ZNF583: variants seen among roughly 807,000 people sequenced by gnomAD.
The protein encoded by ZNF583 is zinc finger protein 583.
ZNF583 carries 30 observed loss-of-function variants against 55.3 expected under a neutral mutation model. That is an observed-to-expected ratio of 0.54 (90% confidence interval 0.41 to 0.74). The LOEUF (loss-of-function observed/expected upper bound fraction) is 0.74, where lower values mean the gene tolerates loss of function less well. ZNF583 is among the 30% of genes least tolerant of loss of function. The pLI is 0.00. For missense variants in ZNF583, 504 were observed against 664.7 expected (o/e 0.76, Z 2.66); for synonymous variants, 208 against 220.0 (o/e 0.95, Z 0.48).
intron 4 of ZNF583, among the ~76,000 whole-genome samples, chr19:56,416,782 GATACAT>G (rs1326558256): frequency 6.6e-6 from 1 of 151,728 alleles, no homozygotes; most frequent in Non-Finnish European, 1.5e-5. Context: ...CAGTAAACTG[GATACAT>G]ATAAATTGTA....
rs768399139 is a variant in ZNF583 at position 56,424,389 on chromosome 19, T to C, written c.*21T>C. The C allele has an allele frequency of 1.8e-5, 18 of 1,005,376 alleles. No individual in the cohort carries two copies. Among genetic ancestry groups the C allele is most frequent in the Non-Finnish European group, 2.5e-5 (16 of 651,160 alleles). The allele number at this position is 1,005,376 out of a possible 1,614,324, so 62.3% of individuals were successfully genotyped here. A position where few individuals can be genotyped will look rare whatever the true frequency, so the allele number is the denominator to read the frequency against. On this transcript the variant is annotated 3_prime_UTR_variant, in exon 5 of 5. Coordinates refer to ENST00000333201, the MANE Select transcript of ZNF583 (RefSeq NM_152478.3). ...CCTGAATATTTCTGGAATCCACCTC[T>C]TGAATCCATTTCCATCCCATCATCC...
intron 4 of ZNF583, among the ~76,000 whole-genome samples, chr19:56,421,272 C>T (rs1205218716): frequency 5.0e-5 from 4 of 79,964 alleles, no homozygotes; most frequent in African/African-American, 1.9e-4. Flanking sequence ...CTATCCTTAA[C>T]TTTTCAGTCT....
chr19:56,424,316 C>A lies in ZNF583; in HGVS notation c.1658C>A (p.Pro553His). The change falls in exon 5 of 5, where the codon CCC (proline) becomes CAC (histidine). Residue 553 changes from proline to histidine, a missense_variant. Physicochemically the swap from Pro to His is moderately conservative, Grantham distance 77. This residue lies in a region of ZNF583 where 63 missense variants were observed against 56.5 expected (regional missense o/e 1.11). Coordinates refer to ENST00000333201, the MANE Select transcript of ZNF583 (RefSeq NM_152478.3). ...GAGTCATTCTTGACTCTTTCCTCTC[C>A]CTCACCCTCCACATCAAATCAGTTG... ...TMESFLTLSS[P>H]SPSTSNQLPR... 1.2e-6 allele frequency: 2 copies of A among 1,600,774 alleles called. No homozygotes were observed. The highest frequency in any genetic ancestry group is 1.7e-6 in the Non-Finnish European group (2 of 1,168,192).
intron 1 of ZNF583, among the ~76,000 whole-genome samples, chr19:56,405,999 G>A (rs1021475061): frequency 6.6e-6 from 1 of 152,186 alleles, no homozygotes; most frequent in African/African-American, 2.4e-5. Flanking sequence ...TATTCTTCAA[G>A]GCAGTGAGGT....
intron 2 of ZNF583, among the ~76,000 whole-genome samples, chr19:56,409,794 C>T (rs534680691): frequency 5.3e-5 from 8 of 152,260 alleles, no homozygotes; most frequent in African/African-American, 1.9e-4. Context: ...TACGTACGTG[C>T]TTAAAGCTAC....
Position 56,424,130 on chromosome 19 carries a change from C to G in ZNF583, c.1472C>G (p.Pro491Arg). 6.2e-7 allele frequency: 1 copy of G among 1,612,196 alleles called. No individual in the cohort carries two copies. The highest frequency in any genetic ancestry group is 8.5e-7 in the Non-Finnish European group (1 of 1,178,596). Residue 491 changes from proline (P) to arginine (R), a missense_variant, in exon 5 of 5, where the codon CCT becomes CGT. Pro to Arg is a moderately radical substitution (Grantham distance 103, BLOSUM62 -2). This residue lies in a region of ZNF583 where 237 missense variants were observed against 373.0 expected (regional missense o/e 0.64). Coordinates refer to ENST00000333201, the MANE Select transcript of ZNF583 (RefSeq NM_152478.3). ...QHQRIHTGEK[P>R]YECNVCGKAF... ...CAGAGAATTCATACTGGAGAGAAACCTTATGAATGTAATGTTTGTGGGAAA... is the reference window on the plus strand; with the variant it reads ...CAGAGAATTCATACTGGAGAGAAACGTTATGAATGTAATGTTTGTGGGAAA...
rs2042257116 is a variant in ZNF583 at position 56,412,681 on chromosome 19, TAC to T, written c.10-1272_10-1271del. ...TGTTAGGCAATCATTTGTCGCCTCT[TAC>T]ACACAGTCTCAGGAAAATTTTTATT... is the stretch of plus-strand genomic sequence containing the variant. On this transcript the variant is annotated intron_variant, in intron 2 of 4. Coordinates refer to ENST00000333201, the MANE Select transcript of ZNF583 (RefSeq NM_152478.3). Among the ~76,000 whole-genome samples, 3 of 152,222 alleles carry T rather than the reference TAC, an allele frequency of 2.0e-5. No individual in the cohort carries two copies. In the South Asian group the frequency reaches 6.2e-4, roughly 32 times the overall value.
chr19:56,405,357 G>A (rs1203886159), intron 1 of ZNF583, among the ~76,000 whole-genome samples: 1 of 152,168 alleles, frequency 6.6e-6, no homozygotes, highest in East Asian at 1.9e-4. Context: ...GAGCAGGGCG[G>A]GCTACAATGT....
Position 56,426,276 on chromosome 19 carries a change from T to C in ZNF583, c.*1908T>C, listed in dbSNP as rs568967917. 1 of 152,284 alleles carries C rather than the reference T, an allele frequency of 6.6e-6. No individual in the cohort carries two copies. The highest frequency in any genetic ancestry group is 6.5e-5 in the Admixed American group (1 of 15,294). The allele number at this position is 152,284 out of a possible 1,614,324, so 9.4% of individuals were successfully genotyped here. On this transcript the variant is annotated 3_prime_UTR_variant, in exon 5 of 5. Coordinates refer to ENST00000333201, the MANE Select transcript of ZNF583 (RefSeq NM_152478.3). ...TTATCGTGCTCTATACAACAATTCA[T>C]TCCATATGTGAAAGTTACTTTCAAG...
chr19:56,424,396 C>A lies in ZNF583; in HGVS notation c.*28C>A. On this transcript the variant is annotated 3_prime_UTR_variant, in exon 5 of 5. Coordinates refer to ENST00000333201, the MANE Select transcript of ZNF583 (RefSeq NM_152478.3). ...ATTTCTGGAATCCACCTCTTGAATCCATTTCCATCCCATCATCCTTGTCCA... is the reference window on the plus strand; with the variant it reads ...ATTTCTGGAATCCACCTCTTGAATCAATTTCCATCCCATCATCCTTGTCCA... 1 of 933,574 alleles carries A rather than the reference C, an allele frequency of 1.1e-6. No individual in the cohort carries two copies. The highest frequency in any genetic ancestry group is 1.7e-6 in the Non-Finnish European group (1 of 590,132). 57.8% of individuals were successfully genotyped at this position (933,574 alleles called of 1,614,324 possible).
intron 4 of ZNF583, among the ~76,000 whole-genome samples, chr19:56,418,492 T>C (rs1165353629): frequency 2.0e-5 from 3 of 152,228 alleles, no homozygotes; most frequent in African/African-American, 4.8e-5. Context: ...AAATTTTTTT[T>C]CCTAAGTCTG....
At chr19:56,411,233 A>G (rs962599772) in intron 2 of ZNF583, among the ~76,000 whole-genome samples, 12 of 151,934 alleles carry the variant, frequency 7.9e-5, no homozygotes, top group East Asian at 1.9e-4. Flanking sequence ...TGAGACTGCA[A>G]TCAGCCATGA....
chr19:56,407,072 G>C lies in ZNF583; in HGVS notation c.-43G>C, dbSNP rs1338956450. On this transcript the variant is annotated 5_prime_UTR_variant, in exon 2 of 5. Transcript: ENST00000333201. The stretch of plus-strand genomic sequence containing the variant: ...TCCCTCTCCCACAGAGGAGCTGAAG[G>C]AGTAGGACAGAAGAACTGTCAAATT... 1 of 1,613,600 alleles carries C rather than the reference G, an allele frequency of 6.2e-7. No individual in the cohort carries two copies. The highest frequency in any genetic ancestry group is 1.7e-5 in the Admixed American group (1 of 59,998).
intron 1 of ZNF583, among the ~76,000 whole-genome samples, chr19:56,405,682 G>A: frequency 6.6e-6 from 1 of 152,140 alleles, no homozygotes; most frequent in Non-Finnish European, 1.5e-5. Flanking sequence ...CTGGGGGCAC[G>A]TGAGGAATTT....
At chr19:56,411,648 C>T (rs943649740) in intron 2 of ZNF583, among the ~76,000 whole-genome samples, 2 of 152,216 alleles carry the variant, frequency 1.3e-5, no homozygotes, top group Admixed American at 6.5e-5. Context: ...TGATTAGCAG[C>T]GCCCAGGCCT....
chr19:56,422,944 G>A lies in ZNF583; in HGVS notation c.286G>A (p.Glu96Lys). Residue 96 changes from glutamate (E) to lysine (K), a missense_variant, in exon 5 of 5, where the codon GAA becomes AAA. By Grantham distance (56) the Glu-to-Lys change is moderately conservative. This residue lies in a region of ZNF583 where 204 missense variants were observed against 235.2 expected (regional missense o/e 0.87). Coordinates refer to ENST00000333201, the MANE Select transcript of ZNF583 (RefSeq NM_152478.3). Reference sequence around the variant, plus strand: ...ATTTTCATCAAAGCAAGAGACATATGAAGAATCATCCAAAGTTGTGACAGT... The same window carrying A: ...ATTTTCATCAAAGCAAGAGACATATAAAGAATCATCCAAAGTTGTGACAGT... ...SEFSSKQETY[E>K]ESSKVVTVGA... The A allele has an allele frequency of 1.2e-6, 2 of 1,613,194 alleles. No homozygotes were observed. The highest frequency in any genetic ancestry group is 1.7e-6 in the Non-Finnish European group (2 of 1,179,680).
At chr19:56,406,132 C>CAA (rs1400248900) in intron 1 of ZNF583, among the ~76,000 whole-genome samples, 1 of 152,204 alleles carries the variant, frequency 6.6e-6, no homozygotes, top group Non-Finnish European at 1.5e-5. Flanking sequence ...GATTAGTTTT[C>CAA]AGTTGTGGGT....
At chr19:56,411,285 G>C (rs771836536) in intron 2 of ZNF583, among the ~76,000 whole-genome samples, 1 of 151,886 alleles carries the variant, frequency 6.6e-6, no homozygotes, top group African/African-American at 2.4e-5. Context: ...AGCAAGATCC[G>C]GTCTCCCAAA....
rs1406425056 is a variant in ZNF583 at position 56,422,881 on chromosome 19, T to C, written c.233-10T>C. 5.8e-6 allele frequency: 9 copies of C among 1,550,428 alleles called. No individual in the cohort carries two copies. The highest frequency in any genetic ancestry group is 6.9e-6 in the Non-Finnish European group (8 of 1,152,498). On this transcript the variant is annotated splice_polypyrimidine_tract_variant and intron_variant, in intron 4 of 4. Transcript: ENST00000333201. ...AATACAAAAGTCATTTGTTTCTTGA[T>C]ATCTTTTAGATTGGGAGTATGTATT... is the stretch of plus-strand genomic sequence containing the variant.
Sources: gnomAD v4.1 joint callset for allele counts (sites outside exome capture counted in the v4.1 genomes callset) on GRCh38, gnomAD v4.1.1 for gene constraint, gnomAD v4.1.1 regional missense constraint, MANE v1.5 for transcripts, NCBI Gene and HGNC (gene_info 2026-07-23, HGNC 2026-07-21) for gene names.